Variants in FYTTD1 observed in about 807,000 individuals in gnomAD.
FYTTD1 encodes UAP56-interacting factor.
FYTTD1 carries 22 observed loss-of-function variants against 40.9 expected under a neutral mutation model. That is an observed-to-expected ratio of 0.54 (90% CI 0.38 to 0.77). FYTTD1 has a LOEUF of 0.77. FYTTD1 is among the 30% of genes least tolerant of loss of function. FYTTD1 has a pLI of 0.00. For missense variants in FYTTD1, 351 were observed against 392.2 expected, an observed-to-expected ratio of 0.90 and a Z score of 0.89; for synonymous variants, 140 against 137.9, an observed-to-expected ratio of 1.01 and a Z score of -0.10.
chr3:197,779,789 A>G (rs951074227), intron 8 of FYTTD1, among the ~76,000 whole-genome samples: 38 of 147,644 alleles, frequency 2.6e-4, no homozygotes, highest in African/African-American at 9.6e-4. Context: ...CTGGGGATAC[A>G]GGCAAACACC....
At chr3:197,751,482 C>T (rs951443938) in intron 1 of FYTTD1, among the ~76,000 whole-genome samples, 5 of 152,088 alleles carry the variant, frequency 3.3e-5, no homozygotes, top group African/African-American at 1.2e-4. Flanking sequence ...CCCATGTCTA[C>T]TAAAAATACT....
In FYTTD1 at chr3:197,776,910, A is replaced by T. The variant is rs755231098; in HGVS notation, c.657-17A>T. ...AACTTACATTTAATGAATTTTTTTT[A>T]TTTTTTTTGAAACTAGATGGCGGAC... On this transcript the variant is annotated splice_polypyrimidine_tract_variant and intron_variant, in intron 6 of 8. Coordinates refer to ENST00000241502, the MANE Select transcript of FYTTD1 (RefSeq NM_032288.7). 3.2e-6 allele frequency: 5 copies of T among 1,550,182 alleles called. No individual in the cohort carries two copies. The highest frequency in any genetic ancestry group is 1.1e-5 in the South Asian group (1 of 87,712).
Position 197,771,976 on chromosome 3 carries a change from T to A in FYTTD1, c.498-1427T>A, listed in dbSNP as rs549544441. ...GGACGTGGTGGTTCATGCCTGTAGTTCCAGCTATTTGGGAGGCTGAGGCAG... is the reference window on the plus strand; with the variant it reads ...GGACGTGGTGGTTCATGCCTGTAGTACCAGCTATTTGGGAGGCTGAGGCAG... On this transcript the variant is annotated intron_variant, in intron 4 of 8. Transcript: ENST00000241502. Among the ~76,000 whole-genome samples, 19 of 146,770 alleles carry A rather than the reference T, an allele frequency of 1.3e-4. No homozygotes were observed. The South Asian group carries it at 3.9e-3, about 30-fold the overall frequency.
chr3:197,777,055 A>G, intron 7 of FYTTD1, 54 bp downstream of exon 7: 2 of 1,048,102 alleles, frequency 1.9e-6, no homozygotes, highest in Non-Finnish European at 2.9e-6. Context: ...ACATGAGATC[A>G]TAAGAAAGTA....
intron 2 of FYTTD1, 113 bp downstream of exon 2, chr3:197,756,670 G>A: frequency 9.9e-7 from 1 of 1,010,160 alleles, no homozygotes; most frequent in Non-Finnish European, 1.5e-6. Flanking sequence ...TGTGTTTTGT[G>A]TTTCCTCTAT....
chr3:197,777,134 A>C (rs756992689), intron 7 of FYTTD1, 133 bp downstream of exon 7: 2 of 616,450 alleles, frequency 3.2e-6, no homozygotes, highest in Non-Finnish European at 2.9e-6. Flanking sequence ...CCTGTGATAC[A>C]ATATGGAAAC....
In FYTTD1 at chr3:197,784,599, C is replaced by G. The variant is rs1730112613; in HGVS notation, c.*2690C>G. On this transcript the variant is annotated 3_prime_UTR_variant, in exon 9 of 9. Coordinates refer to ENST00000241502, the MANE Select transcript of FYTTD1 (RefSeq NM_032288.7). Reference sequence around the variant, plus strand: ...TCATGAGGCCAGGAGCAAGACCAGCCTGGCTAACATAGGGAGACTCTATCT... The same window carrying G: ...TCATGAGGCCAGGAGCAAGACCAGCGTGGCTAACATAGGGAGACTCTATCT... The G allele has an allele frequency of 6.6e-6, 1 of 152,198 alleles. No individual in the cohort carries two copies. Among genetic ancestry groups the G allele is most frequent in the African/African-American group, 2.4e-5 (1 of 41,448 alleles). The allele number at this position is 152,198 out of a possible 1,614,324, so 9.4% of individuals were successfully genotyped here.
At position 197,782,852 on chromosome 3, in the gene FYTTD1, C is replaced by T. The variant is rs1235886558; in HGVS notation, c.*943C>T. 1.3e-5 allele frequency: 2 copies of T among 152,336 alleles called. No homozygotes were observed. Among genetic ancestry groups the T allele is most frequent in the Admixed American group, 1.3e-4 (2 of 15,256 alleles). 9.4% of individuals were successfully genotyped at this position (152,336 alleles called of 1,614,324 possible). A position where few individuals can be genotyped will look rare whatever the true frequency, so the allele number is the denominator to read the frequency against. On this transcript the variant is annotated 3_prime_UTR_variant, in exon 9 of 9. Transcript: ENST00000241502. ...GATATTTTGATAGTAAAATTAATAG[C>T]CATAAAGTCCTAGACTTCTTATTTG... is the stretch of plus-strand genomic sequence containing the variant.
intron 2 of FYTTD1, among the ~76,000 whole-genome samples, chr3:197,756,924 A>G (rs185239373): frequency 6.6e-6 from 1 of 152,340 alleles, no homozygotes; most frequent in East Asian, 1.9e-4. Context: ...AAATATATTC[A>G]GTGAAAGAGC....
intron 2 of FYTTD1, among the ~76,000 whole-genome samples, chr3:197,756,883 A>G (rs1318718019): frequency 6.6e-6 from 1 of 152,234 alleles, no homozygotes; most frequent in Non-Finnish European, 1.5e-5. Context: ...TTCCTTTAAC[A>G]GTCTGTCTAA....
intron 5 of FYTTD1, 147 bp downstream of exon 5, chr3:197,773,646 T>C (rs962343391): frequency 3.5e-6 from 2 of 566,268 alleles, no homozygotes; most frequent in African/African-American, 3.8e-5. Context: ...TTCTTCCTGT[T>C]GTATGTTTTT....
At chr3:197,754,260 A>T (rs1035116488) in intron 1 of FYTTD1, among the ~76,000 whole-genome samples, 1 of 152,142 alleles carries the variant, frequency 6.6e-6, no homozygotes, top group Admixed American at 6.5e-5. Context: ...ACATGTTTAT[A>T]TATCTGATGT....
chr3:197,759,175 T>TAG (rs1729294044), intron 2 of FYTTD1, among the ~76,000 whole-genome samples: 1 of 152,016 alleles, frequency 6.6e-6, no homozygotes, highest in African/African-American at 2.4e-5. Flanking sequence ...GTAGAATGTA[T>TAG]AGAGTTGTTC....
intron 2 of FYTTD1, among the ~76,000 whole-genome samples, chr3:197,766,460 T>TGTGTGTGTGTG (rs56732488): frequency 7.3e-5 from 11 of 150,730 alleles, no homozygotes; most frequent in Non-Finnish European, 1.0e-4. Flanking sequence ...TGTGTGTGTG[T>TGTGTGTGTGTG]TTGAGACAGG....
At chr3:197,776,380 A>ATTT (rs199559563) in intron 6 of FYTTD1, among the ~76,000 whole-genome samples, 4 of 117,548 alleles carry the variant, frequency 3.4e-5, no homozygotes, top group Non-Finnish European at 5.5e-5. Context: ...CCCAGCTTAA[A>ATTT]TTTGTTTTTT....
In FYTTD1 at chr3:197,756,515, C is replaced by A. The variant is rs993761819; in HGVS notation, c.193C>A (p.Gln65Lys). The part of the protein sequence containing the change: ...RRLLQQSGAQ[Q>K]FRMRVRWGIQ... ...ACTCCTCCAGCAAAGTGGTGCCCAG[C>A]AATTCAGGATGAGAGTGCGATGGGG... Residue 65 changes from glutamine to lysine, a missense_variant, in exon 2 of 9, where the codon CAA becomes AAA. Physicochemically the swap from Gln to Lys is moderately conservative, Grantham distance 53. Coordinates refer to ENST00000241502, the MANE Select transcript of FYTTD1 (RefSeq NM_032288.7). 2 of 1,613,560 alleles carry A rather than the reference C, an allele frequency of 1.2e-6. No individual in the cohort carries two copies. Among genetic ancestry groups the A allele is most frequent in the South Asian group, 1.1e-5 (1 of 91,070 alleles).
intron 2 of FYTTD1, among the ~76,000 whole-genome samples, chr3:197,762,123 A>G (rs947678768): frequency 6.6e-6 from 1 of 152,146 alleles, no homozygotes; most frequent in Non-Finnish European, 1.5e-5. Flanking sequence ...TCTCCTGTTA[A>G]TACCATCACA....
chr3:197,772,329 T>G (rs1235300081), intron 4 of FYTTD1, among the ~76,000 whole-genome samples: 1 of 152,238 alleles, frequency 6.6e-6, no homozygotes, highest in Non-Finnish European at 1.5e-5. Context: ...ATATAGTGTT[T>G]CATATTTATC....
At chr3:197,774,311 C>A in intron 6 of FYTTD1, 101 bp downstream of exon 6, 1 of 1,002,600 alleles carries the variant, frequency 1.0e-6, no homozygotes, top group Non-Finnish European at 1.5e-6. Context: ...TAATTGAAAC[C>A]CAAAATAAAA....
Sources: allele counts gnomAD v4.1 joint callset (sites outside exome capture counted in the v4.1 genomes callset), GRCh38; gene constraint gnomAD v4.1.1; transcripts MANE v1.5; gene names NCBI Gene and HGNC (gene_info 2026-07-23, HGNC 2026-07-21).